Variants in GABRR1 observed in about 807,000 individuals in gnomAD.
The protein encoded by GABRR1 is gamma-aminobutyric acid receptor subunit rho-1.
GABRR1 carries 59 observed loss-of-function variants against 55.5 expected under a neutral mutation model. That is an observed-to-expected ratio of 1.06 (90% CI 0.86 to 1.32). The LOEUF is 1.32. GABRR1 is among the 40% of genes most tolerant of loss of function. GABRR1 has a pLI of 0.00. For missense variants in GABRR1, 602 were observed against 619.1 expected (o/e 0.97, Z 0.29); for synonymous variants, 213 against 226.0 (o/e 0.94, Z 0.51).
chr6:89,206,923 G>C (rs887810084), intron 1 of GABRR1, among the ~76,000 whole-genome samples: 1 of 152,110 alleles, frequency 6.6e-6, no homozygotes, highest in East Asian at 1.9e-4. Flanking sequence ...CGGCCTCTAC[G>C]TTACACATCT....
intron 6 of GABRR1, among the ~76,000 whole-genome samples, chr6:89,188,934 C>G (rs1771999443): frequency 6.6e-6 from 1 of 152,048 alleles, no homozygotes; most frequent in African/African-American, 2.4e-5. Context: ...TTCCCTAGGG[C>G]AACTGTTGTC....
At chr6:89,182,107 A>G (rs774465707) in intron 7 of GABRR1, 50 bp from the exon 8 acceptor site, 42 of 1,590,462 alleles carry the variant, frequency 2.6e-5, no homozygotes. Context: ...TCCTTCATAA[A>G]ACACATTTTA....
At chr6:89,210,235 C>T (rs1320976858) in intron 1 of GABRR1, among the ~76,000 whole-genome samples, 1 of 134,110 alleles carries the variant, frequency 7.5e-6, no homozygotes, top group Non-Finnish European at 1.5e-5. Flanking sequence ...ACTCTGTCAC[C>T]CAGGCTGGAA....
At chr6:89,203,597 AAAG>A (rs1160855917) in intron 1 of GABRR1, 112 bp from the exon 2 acceptor site, 21 of 803,280 alleles carry the variant, frequency 2.6e-5, no homozygotes, top group African/African-American at 1.7e-4. Context: ...ATAAAATGTA[AAAG>A]AAGAAGAAAA....
At chr6:89,194,257 T>C (rs140594174) in intron 5 of GABRR1, among the ~76,000 whole-genome samples, 29 of 152,202 alleles carry the variant, frequency 1.9e-4, no homozygotes, top group Admixed American at 3.9e-4. Flanking sequence ...TAGCCAGCCT[T>C]CCCACACTGC....
At chr6:89,225,556 T>G (rs1390416352) in intron 1 of GABRR1, among the ~76,000 whole-genome samples, 1 of 135,188 alleles carries the variant, frequency 7.4e-6, no homozygotes, top group Non-Finnish European at 1.6e-5. Flanking sequence ...AGAATGATGA[T>G]TTCCAATTTC....
At chr6:89,186,171 TC>T (rs1771895586) in intron 6 of GABRR1, among the ~76,000 whole-genome samples, 1 of 151,872 alleles carries the variant, frequency 6.6e-6, no homozygotes, top group Non-Finnish European at 1.5e-5. Flanking sequence ...CTTCCAGGGG[TC>T]CCTGGGACTA....
Position 89,192,407 on chromosome 6 carries a change from T to G in GABRR1, c.573-2160A>C, listed in dbSNP as rs982212309. ...TCTTCTCTCCCACCTAACTGCACAGTGTCCCAAACTGCAGGCACACACACA... is the reference window on the plus strand; with the variant it reads ...TCTTCTCTCCCACCTAACTGCACAGGGTCCCAAACTGCAGGCACACACACA... On this transcript the variant is annotated intron_variant, in intron 5 of 9. Transcript: ENST00000454853. Among the ~76,000 whole-genome samples the G allele has an allele frequency of 1.3e-5, 2 of 152,074 alleles. 1 individual carries two copies. The highest frequency in any genetic ancestry group is 4.1e-4 in the South Asian group (2 of 4,820).
chr6:89,216,668 A>C (rs13196287), intron 1 of GABRR1, among the ~76,000 whole-genome samples: 31,010 of 152,190 alleles, frequency 0.2, 3,324 homozygotes, highest in Middle Eastern at 0.23. Context: ...TGCCTGCAGG[A>C]GGCTCCGTCC....
At chr6:89,207,887 A>G (rs1772702122) in intron 1 of GABRR1, among the ~76,000 whole-genome samples, 1 of 152,216 alleles carries the variant, frequency 6.6e-6, no homozygotes, top group Non-Finnish European at 1.5e-5. Context: ...AGGAGGAAGC[A>G]GGCAGTTAGG....
At chr6:89,206,174 C>T (rs547963219) in intron 1 of GABRR1, among the ~76,000 whole-genome samples, 3 of 152,160 alleles carry the variant, frequency 2.0e-5, no homozygotes, top group African/African-American at 7.2e-5. Flanking sequence ...GGCTTTCCTG[C>T]CTCTGGTCTT....
chr6:89,219,596 C>G (rs1057380669), upstream of GABRR1, among the ~76,000 whole-genome samples: 2 of 152,180 alleles, frequency 1.3e-5, no homozygotes, highest in African/African-American at 2.4e-5. Context: ...CCTTGTCCAG[C>G]GGGTCCTCCA....
chr6:89,225,061 G>A (rs1159208921), intron 1 of GABRR1, among the ~76,000 whole-genome samples: 1 of 152,156 alleles, frequency 6.6e-6, no homozygotes, highest in African/African-American at 2.4e-5. Context: ...GATTATAGGC[G>A]AGAGCCACCG....
chr6:89,221,011 C>T (rs867371845), upstream of GABRR1, among the ~76,000 whole-genome samples: 16 of 152,204 alleles, frequency 1.1e-4, no homozygotes, highest in Admixed American at 2.6e-4. Flanking sequence ...TGAGCCACCG[C>T]GCCTGGCCAA....
At position 89,185,362 on chromosome 6, in the gene GABRR1, G is replaced by A; in HGVS notation, c.744C>T (p.Phe248=). The A allele has an allele frequency of 1.2e-6, 2 of 1,613,938 alleles. No homozygotes were observed. The highest frequency in any genetic ancestry group is 3.3e-5 in the Admixed American group (2 of 60,004). The part of the protein sequence containing the change: ...KTDERISLSQ[F]LIQEFHTTTK... Reference sequence around the variant, plus strand: ...TGGTGGTGTGGAATTCCTGAATGAGGAACTGGGAGAGTGAGATCCGTTCAT... The same window carrying A: ...TGGTGGTGTGGAATTCCTGAATGAGAAACTGGGAGAGTGAGATCCGTTCAT... Residue 248 remains phenylalanine, a synonymous_variant, in exon 7 of 10, where the codon TTC becomes TTT. Transcript: ENST00000454853.
chr6:89,219,788 A>T (rs962984123), upstream of GABRR1, among the ~76,000 whole-genome samples: 3 of 152,202 alleles, frequency 2.0e-5, no homozygotes, highest in Non-Finnish European at 4.4e-5. Context: ...TCAAGCCCTT[A>T]TTTGAACCAG....
chr6:89,198,270 C>T, intron 4 of GABRR1, 27 bp from the exon 5 acceptor site: 2 of 1,505,012 alleles, frequency 1.3e-6, no homozygotes, highest in Non-Finnish European at 1.8e-6. Flanking sequence ...AGAGAGGGAA[C>T]CCCAGACACA....
intron 1 of GABRR1, among the ~76,000 whole-genome samples, chr6:89,205,087 G>C (rs1772601114): frequency 1.3e-5 from 2 of 152,310 alleles, no homozygotes; most frequent in East Asian, 3.9e-4. Context: ...AACTCCTGTT[G>C]CATGTGTTAA....
chr6:89,217,762 C>T (rs1220887312), upstream of GABRR1: 1 of 155,900 alleles, frequency 6.4e-6, no homozygotes, highest in African/African-American at 2.4e-5. Context: ...CTATTTTAAG[C>T]TTACGGCCAT....
Sources: gnomAD v4.1 joint callset for allele counts (sites outside exome capture counted in the v4.1 genomes callset) on GRCh38, gnomAD v4.1.1 for gene constraint, MANE v1.5 for transcripts, NCBI Gene and HGNC (gene_info 2026-07-23, HGNC 2026-07-21) for gene names.